Variants in IL5RA observed in about 807,000 individuals in gnomAD.
The protein encoded by IL5RA is interleukin 5 receptor subunit alpha.
A neutral mutation model predicts 50.0 loss-of-function variants in IL5RA; 49 were observed. That is an observed-to-expected ratio of 0.98 (90% CI 0.78 to 1.24). The LOEUF (loss-of-function observed/expected upper bound fraction) is 1.24, where lower values mean the gene tolerates loss of function less well. Ranked by LOEUF, IL5RA falls within the 50% of genes most tolerant of loss-of-function variation. IL5RA has a pLI of 0.00. For missense variants in IL5RA, 600 were observed against 500.4 expected, an observed-to-expected ratio of 1.20 and a Z score of -1.90; for synonymous variants, 202 against 174.0, an observed-to-expected ratio of 1.16 and a Z score of -1.26.
chr3:3,071,431 C>A (rs764087768), intron 11 of IL5RA, among the ~76,000 whole-genome samples: 1 of 152,176 alleles, frequency 6.6e-6, no homozygotes, highest in Non-Finnish European at 1.5e-5. Flanking sequence ...GGAGACCAGC[C>A]TGGTGAGATC....
chr3:3,092,216 C>T lies in IL5RA; in HGVS notation c.994+8G>A, dbSNP rs760512510. 2.5e-6 allele frequency: 4 copies of T among 1,610,550 alleles called. No homozygotes were observed. The highest frequency in any genetic ancestry group is 3.4e-6 in the Non-Finnish European group (4 of 1,179,100). On this transcript the variant is annotated splice_region_variant and intron_variant, in intron 9 of 11. Coordinates refer to ENST00000446632, the MANE Select transcript of IL5RA (RefSeq NM_175726.4). The surrounding 1 kb of genome is among the most constrained non-coding windows in gnomAD (Gnocchi z 4.2). ...GCTGCCAATGTAAAATAAACATAAG[C>T]TACTTACCCACATAAATAGGTTGGC...
intron 11 of IL5RA, 109 bp downstream of exon 11, chr3:3,074,673 C>G: frequency 1.6e-6 from 1 of 623,688 alleles, no homozygotes. Flanking sequence ...TCCTGGCCTT[C>G]TGAGTAAAAA....
chr3:3,104,531 C>CATAACATCAGCA (rs1358979874), intron 3 of IL5RA, among the ~76,000 whole-genome samples: 1 of 152,158 alleles, frequency 6.6e-6, no homozygotes, highest in Non-Finnish European at 1.5e-5. Flanking sequence ...ACATCAAATA[C>CATAACATCAGCA]ATAACATCAG....
chr3:3,096,093 G>T (rs1705782), intron 7 of IL5RA, among the ~76,000 whole-genome samples: 1 of 151,900 alleles, frequency 6.6e-6, no homozygotes, highest in Admixed American at 6.6e-5. Flanking sequence ...CCTGGCTAAC[G>T]TGGTGAAACC....
chr3:3,072,219 T>G (rs1559859213), intron 11 of IL5RA, among the ~76,000 whole-genome samples: 1 of 152,192 alleles, frequency 6.6e-6, no homozygotes, highest in Non-Finnish European at 1.5e-5. Context: ...CCCTCTCAGG[T>G]GGAGAATTTA....
At chr3:3,086,254 C>T (rs1325542817) in intron 9 of IL5RA, among the ~76,000 whole-genome samples, 5 of 152,246 alleles carry the variant, frequency 3.3e-5, no homozygotes, top group African/African-American at 1.2e-4. Flanking sequence ...AATTTATTTT[C>T]ATCATTCCTC....
At chr3:3,084,689 C>T (rs1702789555) in intron 9 of IL5RA, among the ~76,000 whole-genome samples, 3 of 152,222 alleles carry the variant, frequency 2.0e-5, no homozygotes, top group Non-Finnish European at 2.9e-5. Context: ...TGGAACATCT[C>T]GAAAAGAACC....
In IL5RA at chr3:3,092,734, C is replaced by T. The variant is rs1010341948; in HGVS notation, c.856-372G>A. 5.3e-5 allele frequency among the ~76,000 whole-genome samples: 8 copies of T among 152,138 alleles called. No homozygotes were observed. Among genetic ancestry groups the T allele is most frequent in the African/African-American group, 1.7e-4 (7 of 41,436 alleles). ...ACATTACTAAATAATGTCACATGAA[C>T]GCTAGATTGTCTAGTGTTGAAATGA... On this transcript the variant is annotated intron_variant, in intron 8 of 11. Transcript: ENST00000446632. This position sits in a 1 kb window ranked among gnomAD's most constrained non-coding sequence, Gnocchi z 4.2.
At chr3:3,086,963 A>G (rs745745481) in intron 9 of IL5RA, among the ~76,000 whole-genome samples, 1 of 152,242 alleles carries the variant, frequency 6.6e-6, no homozygotes, top group Non-Finnish European at 1.5e-5. Flanking sequence ...GTAATCAGGA[A>G]CAAAAAACCA....
rs187356453 is a variant in IL5RA, at chr3:3,080,122, A to C, written c.995-3495T>G. ...TAAAGTATAAAAAAGAAAAAAGAAA[A>C]ATCAGTAGTCACTGGAAGTAACTAA... is the stretch of plus-strand genomic sequence containing the variant. On this transcript the variant is annotated intron_variant, in intron 9 of 11. Transcript: ENST00000446632. Among the ~76,000 whole-genome samples, 369 of 152,326 alleles carry C rather than the reference A, an allele frequency of 2.4e-3. 2 individuals carry two copies. Among genetic ancestry groups the C allele is most frequent in the Non-Finnish European group, 4.1e-3 (282 of 68,026 alleles).
Position 3,067,101 on chromosome 3 carries a change from A to G in IL5RA, c.*3124T>C, listed in dbSNP as rs918645724. On this transcript the variant is annotated 3_prime_UTR_variant, in exon 12 of 12. Transcript: ENST00000446632. ...TGAATTTCAAACTCTTTGACTTGCT[A>G]TGACAAGGCTGGTGAGAACAGTATA... is the stretch of plus-strand genomic sequence containing the variant. 6.6e-6 allele frequency: 1 copy of G among 152,236 alleles called. No individual in the cohort carries two copies. The highest frequency in any genetic ancestry group is 2.4e-5 in the African/African-American group (1 of 41,458). The allele number at this position is 152,236 out of a possible 1,614,324, so 9.4% of individuals were successfully genotyped here.
At chr3:3,102,952 C>T in intron 3 of IL5RA, 132 bp from the exon 4 acceptor site, 4 of 627,314 alleles carry the variant, frequency 6.4e-6, no homozygotes, top group Non-Finnish European at 1.1e-5. Context: ...ACAGTTGCTC[C>T]TGCGTGCCTG....
Position 3,092,450 on chromosome 3 carries a change from A to C in IL5RA, c.856-88T>G. Reference sequence around the variant, plus strand: ...CAGAATGGGAGGTCCTATATAGGTCATGTGACTCACTGTTCAGCAAGTCCT... The same window carrying C: ...CAGAATGGGAGGTCCTATATAGGTCCTGTGACTCACTGTTCAGCAAGTCCT... On this transcript the variant is annotated intron_variant, in intron 8 of 11. Coordinates refer to ENST00000446632, the MANE Select transcript of IL5RA (RefSeq NM_175726.4). The surrounding 1 kb of genome is among the most constrained non-coding windows in gnomAD (Gnocchi z 4.2). The C allele has an allele frequency of 8.3e-7, 1 of 1,212,072 alleles. No individual in the cohort carries two copies. Among genetic ancestry groups the C allele is most frequent in the Non-Finnish European group, 1.2e-6 (1 of 847,488 alleles). The allele number at this position is 1,212,072 out of a possible 1,614,324, so 75.1% of individuals were successfully genotyped here.
chr3:3,096,011 G>C (rs1409936315), intron 7 of IL5RA, among the ~76,000 whole-genome samples: 1 of 152,186 alleles, frequency 6.6e-6, no homozygotes, highest in Non-Finnish European at 1.5e-5. Context: ...GGGCGTGGGG[G>C]CTCACGCCTG....
intron 11 of IL5RA, 77 bp from the exon 12 acceptor site, chr3:3,070,388 A>C: frequency 1.2e-6 from 1 of 830,680 alleles, no homozygotes; most frequent in South Asian, 1.5e-5. Flanking sequence ...AATTGGCTTT[A>C]AGTCTATTAT....
At chr3:3,072,501 T>C (rs992044643) in intron 11 of IL5RA, among the ~76,000 whole-genome samples, 2 of 152,254 alleles carry the variant, frequency 1.3e-5, no homozygotes, top group African/African-American at 4.8e-5. Flanking sequence ...TAAGCTTTTA[T>C]ACCAGTTTAT....
In IL5RA at chr3:3,093,107, G is replaced by T. The variant is rs17879627; in HGVS notation, c.856-745C>A. On this transcript the variant is annotated intron_variant, in intron 8 of 11. Coordinates refer to ENST00000446632, the MANE Select transcript of IL5RA (RefSeq NM_175726.4). ...ACTCTTCAGTGGCATCCATTGCCCA[G>T]AGTCATGGTTTTTAAAAAAGAAGCC... Among the ~76,000 whole-genome samples the T allele has an allele frequency of 3.3e-3, 500 of 152,182 alleles. 1 individual carries two copies. Among genetic ancestry groups the T allele is most frequent in the African/African-American group, 0.011 (470 of 41,502 alleles).
intron 9 of IL5RA, chr3:3,090,172 T>G: frequency 1.3e-6 from 2 of 1,596,560 alleles, no homozygotes; most frequent in East Asian, 4.5e-5. Context: ...AAAACACATG[T>G]AATCTGCTAT....
chr3:3,076,590 G>A lies in IL5RA; in HGVS notation c.1032C>T (p.Val344=), dbSNP rs374268450. ...AGCAGATGGTTGCCATAATCACAAT[G>A]ACAAACCACTCTCTCAAGGGCTTGT... ...DEHKPLREWF[V]IVIMATICFI... is the part of the protein sequence containing the mutation. Residue 344 remains valine, a synonymous_variant, in exon 10 of 12, where the codon GTC becomes GTT. Transcript: ENST00000446632. The A allele has an allele frequency of 1.7e-5, 27 of 1,612,104 alleles. No homozygotes were observed. Among genetic ancestry groups the A allele is most frequent in the African/African-American group, 4.0e-5 (3 of 74,870 alleles).
Sources: gnomAD v4.1 joint callset for allele counts (sites outside exome capture counted in the v4.1 genomes callset) on GRCh38, gnomAD v4.1.1 for gene constraint, Gnocchi (gnomAD v3.1) non-coding constraint, MANE v1.5 for transcripts, NCBI Gene and HGNC (gene_info 2026-07-23, HGNC 2026-07-21) for gene names.